Variants in ZNF536 observed in about 807,000 individuals in gnomAD.
ZNF536 encodes the protein zinc finger protein 536.
Under a neutral mutation model 84.5 loss-of-function variants are expected in ZNF536, and 13 were observed. The ratio of observed to expected loss-of-function variants is 0.15; its 90% CI spans 0.10 to 0.24. The LOEUF (loss-of-function observed/expected upper bound fraction) is 0.24, where lower values mean the gene tolerates loss of function less well. Among genes scored for constraint, ZNF536 ranks in the 10% least tolerant of loss-of-function variants. The probability of loss-of-function intolerance (pLI) is 1.00; values close to 1 mark genes in which losing one functional copy is unlikely to be tolerated. For missense variants in ZNF536, 1,536 were observed against 1,747.5 expected (o/e 0.88, Z 2.16); for synonymous variants, 811 against 742.5 (o/e 1.09, Z -1.50).
intron 2 of ZNF536, among the ~76,000 whole-genome samples, chr19:30,343,154 G>A (rs2047618626): frequency 6.6e-6 from 1 of 152,188 alleles, no homozygotes; most frequent in Non-Finnish European, 1.5e-5. Context: ...CTGGGAACAG[G>A]ACAAGTACCC....
intron 1 of ZNF536, among the ~76,000 whole-genome samples, chr19:30,373,541 G>T (rs2147061334): frequency 6.6e-6 from 1 of 152,268 alleles, no homozygotes; most frequent in African/African-American, 2.4e-5. Context: ...CTTCCTAGTG[G>T]TAAAAGTATA....
chr19:30,300,855 G>A (rs1360694501), intron 2 of ZNF536, among the ~76,000 whole-genome samples: 1 of 140,294 alleles, frequency 7.1e-6, no homozygotes, highest in African/African-American at 2.9e-5. Flanking sequence ...ACGCCTGAGT[G>A]CACAAGTGTG....
At chr19:30,622,146 G>A (rs1479101143) in intron 1 of ZNF536, among the ~76,000 whole-genome samples, 1 of 152,186 alleles carries the variant, frequency 6.6e-6, no homozygotes, top group Non-Finnish European at 1.5e-5. Flanking sequence ...TAGGCAGATG[G>A]GAAGAATGGG....
intron 2 of ZNF536, among the ~76,000 whole-genome samples, chr19:30,469,790 G>A (rs1387602105): frequency 6.6e-6 from 1 of 152,030 alleles, no homozygotes; most frequent in Non-Finnish European, 1.5e-5. Flanking sequence ...CTCAGAGCCA[G>A]CCAGGGATGC....
At position 30,549,067 on chromosome 19, in the gene ZNF536, C is replaced by T. The variant is rs2146235508; in HGVS notation, c.3448C>T (p.Pro1150Ser). 6.2e-7 allele frequency: 1 copy of T among 1,614,188 alleles called. No homozygotes were observed. The highest frequency in any genetic ancestry group is 2.2e-5 in the East Asian group (1 of 44,876). The change falls in exon 4 of 5, where the codon CCC becomes TCC. Residue 1150 changes from proline to serine, a missense_variant. Around this residue, in one of 8 missense-constraint regions of ZNF536, gnomAD observed 624 missense variants for 603.1 expected, o/e 1.03. Coordinates refer to ENST00000355537, the MANE Select transcript of ZNF536 (RefSeq NM_014717.3). ...HSEEDVPILI[P>S]ETTSKNTTDD... ...TGAAGAGGATGTCCCCATCCTGATC[C>T]CCGAAACCACGAGTAAGAACACTAC...
intron 1 of ZNF536, among the ~76,000 whole-genome samples, chr19:30,627,319 A>C (rs2048717057): frequency 6.6e-6 from 1 of 151,796 alleles, no homozygotes. Flanking sequence ...AAATAAGAAA[A>C]TAGTCAGGTG....
chr19:30,278,534 C>T (rs538522913), intron 1 of ZNF536, among the ~76,000 whole-genome samples: 1 of 152,066 alleles, frequency 6.6e-6, no homozygotes, highest in South Asian at 2.1e-4. Flanking sequence ...CCAGCAAGGC[C>T]CCAAGATGTC....
chr19:30,695,001 A>G (rs542806578), intron 1 of ZNF536, among the ~76,000 whole-genome samples: 1 of 152,348 alleles, frequency 6.6e-6, no homozygotes, highest in South Asian at 2.1e-4. Flanking sequence ...GCACCTGAGA[A>G]GCCGTTCAAC....
chr19:30,335,735 C>A (rs2047361349), intron 2 of ZNF536, among the ~76,000 whole-genome samples: 2 of 152,198 alleles, frequency 1.3e-5, no homozygotes, highest in South Asian at 4.1e-4. Context: ...CGGATAGAAT[C>A]TTCCTCGCCA....
At chr19:30,578,100 A>T (rs1004618587) in intron 1 of ZNF536, among the ~76,000 whole-genome samples, 19 of 152,220 alleles carry the variant, frequency 1.2e-4, no homozygotes, top group Admixed American at 3.9e-4. Flanking sequence ...TACTTCACCC[A>T]CCCTGTATCC....
At chr19:30,262,316 A>C (rs1382985332) in intron 1 of ZNF536, among the ~76,000 whole-genome samples, 1 of 152,218 alleles carries the variant, frequency 6.6e-6, no homozygotes, top group African/African-American at 2.4e-5. Flanking sequence ...AGGGACAGTC[A>C]TGGAGCTGTA....
At position 30,320,798 on chromosome 19, in the gene ZNF536, C is replaced by T. The variant is rs148044206; in HGVS notation, c.-119-31570C>T. On this transcript the variant is annotated intron_variant, in intron 2 of 5. Coordinates refer to the ZNF536 transcript ENST00000585628. ...TTGGAGCTCTCCTCTTCTTGGCTCC[C>T]GGGAGAATCAGGGCCTTAAATTCAG... Among the ~76,000 whole-genome samples, 993 of 152,180 alleles carry T rather than the reference C, an allele frequency of 6.5e-3. 12 individuals are homozygous for T. Among genetic ancestry groups the T allele is most frequent in the African/African-American group, 0.014 (561 of 41,516 alleles).
chr19:30,693,727 C>T (rs769039755), intron 1 of ZNF536, among the ~76,000 whole-genome samples: 9 of 152,230 alleles, frequency 5.9e-5, no homozygotes, highest in Middle Eastern at 3.4e-3. Context: ...TTGTAATTTT[C>T]TATTGTTCAC....
chr19:30,438,148 G>A (rs998559461), intron 1 of ZNF536, among the ~76,000 whole-genome samples: 1 of 152,024 alleles, frequency 6.6e-6, no homozygotes, highest in African/African-American at 2.4e-5. Flanking sequence ...AGTTACATGG[G>A]TATATTGCAT....
chr19:30,618,810 G>A (rs1294867378), intron 1 of ZNF536, among the ~76,000 whole-genome samples: 5 of 149,364 alleles, frequency 3.3e-5, no homozygotes, highest in Non-Finnish European at 5.9e-5. Flanking sequence ...TTTTTTCCTT[G>A]AAATCTAAAA....
At chr19:30,441,852 GAT>G (rs1369985256) in intron 1 of ZNF536, among the ~76,000 whole-genome samples, 1 of 152,174 alleles carries the variant, frequency 6.6e-6, no homozygotes, top group African/African-American at 2.4e-5. Flanking sequence ...TCCCTTGCAA[GAT>G]AGACTCCTCC....
chr19:30,679,697 C>T (rs930401398), intron 1 of ZNF536, among the ~76,000 whole-genome samples: 7 of 152,220 alleles, frequency 4.6e-5, no homozygotes, highest in Admixed American at 4.6e-4. Context: ...TCCCGGCAGT[C>T]TGCAGACTTG....
intron 2 of ZNF536, among the ~76,000 whole-genome samples, chr19:30,345,679 G>A (rs112731914): frequency 1.9e-3 from 292 of 152,322 alleles, no homozygotes; most frequent in Middle Eastern, 0.01. Context: ...CTTATGACCA[G>A]GTCATTGAAG....
intron 2 of ZNF536, among the ~76,000 whole-genome samples, chr19:30,490,755 G>A (rs547347463): frequency 2.2e-4 from 34 of 152,142 alleles, no homozygotes; most frequent in Non-Finnish European, 3.4e-4. Context: ...TCAAGTATTC[G>A]GGATTGCCCA....
Sources: allele counts gnomAD v4.1 joint callset (sites outside exome capture counted in the v4.1 genomes callset), GRCh38; gene constraint gnomAD v4.1.1; regional missense constraint gnomAD v4.1.1; transcripts MANE v1.5; gene names NCBI Gene and HGNC (gene_info 2026-07-23, HGNC 2026-07-21).